Variants in RBM27 observed in about 807,000 individuals in gnomAD.
RBM27 encodes RNA-binding protein 27.
Under a neutral mutation model 135.3 loss-of-function variants are expected in RBM27, and 22 were observed. The ratio of observed to expected loss-of-function variants is 0.16; its 90% confidence interval spans 0.12 to 0.23. The LOEUF (loss-of-function observed/expected upper bound fraction) is 0.23. RBM27 is among the 10% of genes least tolerant of loss of function. RBM27 has a pLI of 1.00. For synonymous variants in RBM27, 481 were observed against 442.4 expected (o/e 1.09, Z -1.10); for missense variants, 1,009 against 1,281.0 (o/e 0.79, Z 3.24).
At chr5:146,213,064 T>A (rs527237722) in intron 1 of RBM27, among the ~76,000 whole-genome samples, 1 of 152,230 alleles carries the variant, frequency 6.6e-6, no homozygotes, top group South Asian at 2.1e-4. Flanking sequence ...GTCTAGTTTA[T>A]CATAAGTGTA....
Position 146,269,290 on chromosome 5 carries a change from A to G in RBM27, c.2526+9A>G, listed in dbSNP as rs778632347. On this transcript the variant is annotated intron_variant, in intron 16 of 20. Coordinates refer to ENST00000265271, the MANE Select transcript of RBM27 (RefSeq NM_018989.2). ...AAATAGAATGCCAAAAGGTAAGACA[A>G]GAGCTCATTATTTGCATGCTAGAAT... The G allele has an allele frequency of 2.8e-5, 44 of 1,588,552 alleles. No homozygotes were observed. The South Asian group carries it at 4.5e-4, about 16-fold the overall frequency.
intron 20 of RBM27, among the ~76,000 whole-genome samples, chr5:146,285,186 T>C (rs1759532244): frequency 6.6e-6 from 1 of 152,140 alleles, no homozygotes; most frequent in African/African-American, 2.4e-5. Flanking sequence ...AAGACCTAAA[T>C]AATAAAAGTA....
intron 13 of RBM27, 92 bp from the exon 14 acceptor site, chr5:146,263,399 T>C: frequency 1.5e-6 from 2 of 1,295,976 alleles, no homozygotes; most frequent in Non-Finnish European, 2.1e-6. Flanking sequence ...CATTTTCTTA[T>C]CTTCTTCCCT....
intron 1 of RBM27, among the ~76,000 whole-genome samples, chr5:146,215,678 C>T (rs1210826037): frequency 6.6e-6 from 1 of 152,066 alleles, no homozygotes; most frequent in African/African-American, 2.4e-5. Flanking sequence ...TCATTATTCT[C>T]AGGGGTGAAA....
intron 13 of RBM27, among the ~76,000 whole-genome samples, 168 bp downstream of exon 13, chr5:146,261,974 A>G (rs1015409056): frequency 6.6e-6 from 1 of 152,172 alleles, no homozygotes; most frequent in African/African-American, 2.4e-5. Context: ...TTCTTGGGGG[A>G]AAAATTTCAG....
At chr5:146,265,697 CAATTT>C (rs1245430515) in intron 14 of RBM27, among the ~76,000 whole-genome samples, 1 of 152,104 alleles carries the variant, frequency 6.6e-6, no homozygotes, top group Non-Finnish European at 1.5e-5. Context: ...GGACAAAAAA[CAATTT>C]AAAGAAAGCT....
intron 1 of RBM27, among the ~76,000 whole-genome samples, chr5:146,217,849 C>T (rs1025538612): frequency 3.3e-5 from 5 of 152,064 alleles, no homozygotes; most frequent in Non-Finnish European, 5.9e-5. Flanking sequence ...ATTTCTGCCT[C>T]CCAGCCTCAA....
At chr5:146,223,371 C>G (rs17104322) in intron 2 of RBM27, 32 bp from the exon 3 acceptor site, 1 of 1,552,058 alleles carries the variant, frequency 6.4e-7, no homozygotes, top group Admixed American at 2.2e-5. Flanking sequence ...TTTTTGTTTG[C>G]GCAATATGTA....
intron 2 of RBM27, among the ~76,000 whole-genome samples, chr5:146,220,494 A>G (rs1352241228): frequency 7.0e-6 from 1 of 142,380 alleles, no homozygotes; most frequent in African/African-American, 2.5e-5. Flanking sequence ...AAAAAAATAT[A>G]TATATATATA....
chr5:146,246,869 T>C (rs1757647463), intron 8 of RBM27, among the ~76,000 whole-genome samples: 1 of 151,568 alleles, frequency 6.6e-6, no homozygotes, highest in Admixed American at 6.6e-5. Flanking sequence ...CTGTGGTTTT[T>C]TTTTTTTTTT....
chr5:146,271,597 G>T lies in RBM27; in HGVS notation c.2911G>T (p.Val971Leu). ...AAGGGGCTCACTAAATCACATGGTG[G>T]TGGACCATCGTCCCAAAGCACTAAC... ...RGRGSLNHMV[V>L]DHRPKALTVG... The change falls in exon 19 of 21, where the codon GTG (valine) becomes TTG (leucine). Residue 971 changes from valine (V) to leucine (L), a missense_variant. Physicochemically the swap from Val to Leu is conservative, Grantham distance 32. This residue lies in a region of RBM27 where 355 missense variants were observed against 427.3 expected (regional missense o/e 0.83). Coordinates refer to ENST00000265271, the MANE Select transcript of RBM27 (RefSeq NM_018989.2). 6.2e-7 allele frequency: 1 copy of T among 1,613,868 alleles called. No individual in the cohort carries two copies. The highest frequency in any genetic ancestry group is 8.5e-7 in the Non-Finnish European group (1 of 1,179,776).
At chr5:146,248,254 T>G (rs1249797838) in intron 8 of RBM27, among the ~76,000 whole-genome samples, 1 of 145,654 alleles carries the variant, frequency 6.9e-6, no homozygotes, top group Non-Finnish European at 1.5e-5. Flanking sequence ...TTTTTTTTAA[T>G]TTTTGACATG....
chr5:146,267,830 A>T (rs779938539), intron 15 of RBM27, 62 bp downstream of exon 15: 9 of 1,520,024 alleles, frequency 5.9e-6, no homozygotes, highest in Non-Finnish European at 8.1e-6. Context: ...TTAAGTGGTT[A>T]CATTATCACT....
Position 146,218,468 on chromosome 5 carries a change from T to A in RBM27, c.60-517T>A, listed in dbSNP as rs566256017. On this transcript the variant is annotated intron_variant, in intron 1 of 20. Coordinates refer to ENST00000265271, the MANE Select transcript of RBM27 (RefSeq NM_018989.2). Reference sequence around the variant, plus strand: ...AAATGCCATTCTTTTCATGTTCTTATTTTTTAAAAAGATCTTTAAGATACT... The same window carrying A: ...AAATGCCATTCTTTTCATGTTCTTAATTTTTAAAAAGATCTTTAAGATACT... 1.1e-4 allele frequency among the ~76,000 whole-genome samples: 17 copies of A among 152,350 alleles called. No individual in the cohort carries two copies. In the South Asian group the frequency reaches 3.3e-3, roughly 30 times the overall value.
rs748972296 is a variant in RBM27, at chr5:146,255,052, G to C, written c.1554G>C (p.Leu518=). The C allele has an allele frequency of 6.2e-7, 1 of 1,612,578 alleles. No individual in the cohort carries two copies. The highest frequency in any genetic ancestry group is 8.5e-7 in the Non-Finnish European group (1 of 1,178,948). ...GAACTCAGACACAGCGTCCCAATCT[G>C]ATTGGCCTAACATCTGGAGATATGG... is the stretch of plus-strand genomic sequence containing the variant. The part of the protein sequence containing the change: ...FSRTQTQRPN[L]IGLTSGDMDV... The change falls in exon 10 of 21, where the codon CTG becomes CTC. Residue 518 remains leucine (L), a synonymous_variant. Transcript: ENST00000265271.
chr5:146,259,778 C>T lies in RBM27; in HGVS notation c.1740-967C>T, dbSNP rs532070273. 3.5e-5 allele frequency among the ~76,000 whole-genome samples: 5 copies of T among 143,440 alleles called. No homozygotes were observed. The East Asian group carries it at 1.1e-3, about 30-fold the overall frequency. 94.1% of individuals were successfully genotyped at this position (143,440 alleles called of 152,430 possible). On this transcript the variant is annotated intron_variant, in intron 11 of 20. Transcript: ENST00000265271. ...CATGAGGTCAGGAGATCGAGACCAT[C>T]CTGGCTAACAAGGTGAAACCCCGTG...
chr5:146,207,982 A>G (rs1197425747), intron 1 of RBM27, among the ~76,000 whole-genome samples: 10 of 79,334 alleles, frequency 1.3e-4, no homozygotes, highest in South Asian at 4.4e-4. Flanking sequence ...TTTAAGACGG[A>G]GTCTTGCTCT....
chr5:146,282,145 A>T (rs1334462397), intron 19 of RBM27, among the ~76,000 whole-genome samples: 1 of 151,366 alleles, frequency 6.6e-6, no homozygotes, highest in Non-Finnish European at 1.5e-5. Context: ...AGCTGGGATT[A>T]TGGGCGTGTG....
intron 2 of RBM27, among the ~76,000 whole-genome samples, chr5:146,221,149 A>G (rs75456572): frequency 7.0e-6 from 1 of 142,780 alleles, no homozygotes; most frequent in Non-Finnish European, 1.6e-5. Flanking sequence ...CTCCATCTCA[A>G]AAAAAAAAAA....
Sources: gnomAD v4.1 joint callset for allele counts (sites outside exome capture counted in the v4.1 genomes callset) on GRCh38, gnomAD v4.1.1 for gene constraint, gnomAD v4.1.1 regional missense constraint, MANE v1.5 for transcripts, NCBI Gene and HGNC (gene_info 2026-07-23, HGNC 2026-07-21) for gene names.